Variants in LRTM3 observed in about 807,000 individuals in gnomAD.
LRTM3 encodes the protein leucine-rich repeat transmembrane protein 3.
the LRTM3 span, chr13:102,749,067 T>C: frequency 1.3e-6 from 2 of 1,550,394 alleles, no homozygotes; most frequent in Non-Finnish European, 8.7e-7. Context: ...GAAACAGAAA[T>C]AAGATGCAAA....
chr13:102,738,689 T>C, the LRTM3 span: 2 of 1,550,578 alleles, frequency 1.3e-6, no homozygotes, highest in Non-Finnish European at 1.7e-6. Context: ...GAGATTTGGT[T>C]GTGAAAAAGA....
chr13:102,742,877 G>C, the LRTM3 span: 1 of 1,550,708 alleles, frequency 6.4e-7, no homozygotes, highest in South Asian at 1.2e-5. Context: ...ATATTTGTTT[G>C]ATATGGCATC....
chr13:102,747,107 T>C, the LRTM3 span: 1 of 1,551,044 alleles, frequency 6.4e-7, no homozygotes, highest in South Asian at 1.2e-5. Context: ...ATCTTGCAAT[T>C]TAGCATCTAG....
chr13:102,750,144 T>C, the LRTM3 span: 3 of 1,551,192 alleles, frequency 1.9e-6, no homozygotes, highest in Non-Finnish European at 2.6e-6. Context: ...TCATATTCTC[T>C]GTCTGGATGC....
chr13:102,740,953 A>G, the LRTM3 span: 1 of 1,550,204 alleles, frequency 6.5e-7, no homozygotes, highest in Non-Finnish European at 8.7e-7. Context: ...TAATATTCAA[A>G]TGTATTCCTT....
the LRTM3 span, chr13:102,739,255 T>C: frequency 0.11 from 176,086 of 1,550,118 alleles, 10,745 homozygotes; most frequent in South Asian, 0.17. Flanking sequence ...ATTTCTTTCC[T>C]TTCAAAGTGA....
chr13:102,746,197 C>A, the LRTM3 span: 9 of 1,550,928 alleles, frequency 5.8e-6, no homozygotes, highest in Non-Finnish European at 7.8e-6. Context: ...TTAAACAGTT[C>A]AGCACTGGGT....
the LRTM3 span, chr13:102,749,800 A>T: frequency 6.4e-7 from 1 of 1,551,420 alleles, no homozygotes; most frequent in African/African-American, 1.4e-5. Flanking sequence ...TTTGTCCTGG[A>T]AAAGAATCCT....
the LRTM3 span, chr13:102,749,243 C>T: frequency 4.5e-6 from 7 of 1,550,434 alleles, no homozygotes; most frequent in Admixed American, 9.8e-5. Context: ...ACTGAGTTTG[C>T]TTTTACTGTC....
the LRTM3 span, chr13:102,748,763 A>G: frequency 6.5e-7 from 1 of 1,550,234 alleles, no homozygotes; most frequent in East Asian, 2.4e-5. Flanking sequence ...ATTTGTTTCT[A>G]CTAGTAAACA....
the LRTM3 span, chr13:102,738,325 T>C: frequency 1.3e-6 from 2 of 1,550,966 alleles, no homozygotes; most frequent in Non-Finnish European, 1.7e-6. Flanking sequence ...CCTCTGATGA[T>C]TTTTGGTGTG....
At chr13:102,746,034 G>C in the LRTM3 span, 1 of 1,551,024 alleles carries the variant, frequency 6.4e-7, no homozygotes, top group African/African-American at 1.4e-5. Context: ...GGAATCTTAG[G>C]ACCTCCAAGG....
chr13:102,736,235 T>C, the LRTM3 span: 1 of 1,549,506 alleles, frequency 6.5e-7, no homozygotes. Flanking sequence ...CAGAATCACA[T>C]GAGGACGTCC....
At chr13:102,756,731 G>C in the LRTM3 span, among the ~76,000 whole-genome samples, 1 of 127,774 alleles carries the variant, frequency 7.8e-6, no homozygotes, top group African/African-American at 2.9e-5. Flanking sequence ...ATGATATAAA[G>C]CTAGACCTTT....
the LRTM3 span, chr13:102,749,765 T>G: frequency 6.4e-7 from 1 of 1,551,366 alleles, no homozygotes; most frequent in Non-Finnish European, 8.7e-7. Context: ...TTGGACTTCA[T>G]AAAGACCTTG....
chr13:102,752,112 A>G, the LRTM3 span, among the ~76,000 whole-genome samples: 1 of 152,054 alleles, frequency 6.6e-6, no homozygotes, highest in African/African-American at 2.4e-5. Flanking sequence ...CCAACCACAG[A>G]GTGGTTCTGC....
At chr13:102,729,770 CTCT>C in the LRTM3 span, 1 of 1,551,882 alleles carries the variant, frequency 6.4e-7, no homozygotes. Flanking sequence ...ATCATACACT[CTCT>C]TCTTTCTGTC....
the LRTM3 span, chr13:102,740,904 C>T: frequency 3.4e-5 from 53 of 1,549,764 alleles, no homozygotes; most frequent in Non-Finnish European, 4.4e-5. Flanking sequence ...GCTGGAAAAG[C>T]CTCGTGTGTA....
At chr13:102,739,333 A>G in the LRTM3 span, 1 of 1,549,390 alleles carries the variant, frequency 6.5e-7, no homozygotes, top group South Asian at 1.2e-5. Context: ...TTTTCTGTGG[A>G]AAACACTTTG....
Sources: gnomAD v4.1 joint callset for allele counts (sites outside exome capture counted in the v4.1 genomes callset) on GRCh38, gnomAD v4.1.1 for gene constraint, MANE v1.5 for transcripts, NCBI Gene and HGNC (gene_info 2026-07-23, HGNC 2026-07-21) for gene names.